Variants in GNG7 observed in about 807,000 individuals in gnomAD.
GNG7 encodes G protein subunit gamma 7.
GNG7 carries 1 observed loss-of-function variant against 4.0 expected under a neutral mutation model. That is an observed-to-expected ratio of 0.25 (90% CI 0.09 to 1.18). The LOEUF is 1.18. Ranked by LOEUF, GNG7 falls within the 50% of genes most tolerant of loss-of-function variation. The pLI is 0.50. For missense variants in GNG7, 86 were observed against 91.9 expected (o/e 0.94, Z 0.26); for synonymous variants, 34 against 36.9 (o/e 0.92, Z 0.29).
chr19:2,676,064 G>A (rs28592949), intron 1 of GNG7, among the ~76,000 whole-genome samples: 10,011 of 152,292 alleles, frequency 0.066, 424 homozygotes, highest in Middle Eastern at 0.18. Context: ...GGCCGTGTGA[G>A]GATGGAGGCA....
In GNG7 at chr19:2,699,429, G is replaced by T. The variant is rs374744280; in HGVS notation, c.-135+3217C>A. Among the ~76,000 whole-genome samples, 23 of 152,212 alleles carry T rather than the reference G, an allele frequency of 1.5e-4. No individual in the cohort carries two copies. In the East Asian group the frequency reaches 1.5e-3, roughly 10 times the overall value. On this transcript the variant is annotated intron_variant, in intron 1 of 4. Coordinates refer to ENST00000382159, the MANE Select transcript of GNG7 (RefSeq NM_052847.3). ...CTCCCAAAGTGCTGAGATTACAGGC[G>T]TGAGCCACCGCACCCAGCCATAAGT...
Position 2,664,645 on chromosome 19 carries a change from T to C in GNG7, c.-134-18365A>G, listed in dbSNP as rs139877148. ...TAGAGACCCTCCTCACCCAGTCCTC[T>C]AGGTCACTCTGGGAGGATGGCCCCG... is the stretch of plus-strand genomic sequence containing the variant. On this transcript the variant is annotated intron_variant, in intron 1 of 4. Coordinates refer to ENST00000382159, the MANE Select transcript of GNG7 (RefSeq NM_052847.3). 4.4e-3 allele frequency among the ~76,000 whole-genome samples: 677 copies of C among 152,304 alleles called. 2 individuals carry two copies. The highest frequency in any genetic ancestry group is 0.024 in the Middle Eastern group (7 of 294).
intron 3 of GNG7, among the ~76,000 whole-genome samples, chr19:2,528,601 C>G (rs898937550): frequency 1.3e-5 from 2 of 152,028 alleles, no homozygotes; most frequent in Non-Finnish European, 2.9e-5. Context: ...CCCCACAGGG[C>G]GGGAGTCTTC....
At position 2,514,867 on chromosome 19, in the gene GNG7, GGA is replaced by G. The variant is rs1972708529; in HGVS notation, c.*153_*154del. ...GCGGTGGGAACGCCTTTTTTGGCGG[GGA>G]GAGGGGGGATTTCTTTTGGAATTAA... On this transcript the variant is annotated 3_prime_UTR_variant, in exon 5 of 5. Transcript: ENST00000382159. 4 of 635,520 alleles carry G rather than the reference GGA, an allele frequency of 6.3e-6. No individual in the cohort carries two copies. The highest frequency in any genetic ancestry group is 3.7e-5 in the African/African-American group (2 of 54,298). The allele number at this position is 635,520 out of a possible 1,614,324, so 39.4% of individuals were successfully genotyped here. A position where few individuals can be genotyped will look rare whatever the true frequency, so the allele number is the denominator to read the frequency against.
intron 3 of GNG7, among the ~76,000 whole-genome samples, chr19:2,550,225 T>A (rs1403493191): frequency 6.6e-6 from 1 of 152,158 alleles, no homozygotes; most frequent in Admixed American, 6.5e-5. Context: ...CCCTCCTTGC[T>A]GGCTTATTTT....
intron 2 of GNG7, among the ~76,000 whole-genome samples, chr19:2,603,669 C>T (rs1981283753): frequency 6.6e-6 from 1 of 152,182 alleles, no homozygotes; most frequent in South Asian, 2.1e-4. Flanking sequence ...ATGCAGGCAT[C>T]AGAAGCCCCT....
chr19:2,592,780 AGAGG>A (rs1212560401), intron 2 of GNG7, among the ~76,000 whole-genome samples: 1 of 102,458 alleles, frequency 9.8e-6, no homozygotes, highest in Non-Finnish European at 1.9e-5. Context: ...GGAAGGAAGG[AGAGG>A]GAGGGAGGGA....
intron 1 of GNG7, among the ~76,000 whole-genome samples, chr19:2,684,527 C>A (rs1568284472): frequency 6.6e-6 from 1 of 152,094 alleles, no homozygotes; most frequent in Non-Finnish European, 1.5e-5. Context: ...TCCATACACA[C>A]CCCGGAGTAT....
At chr19:2,559,505 C>A (rs1296688402) in intron 2 of GNG7, among the ~76,000 whole-genome samples, 1 of 151,772 alleles carries the variant, frequency 6.6e-6, no homozygotes, top group East Asian at 1.9e-4. Flanking sequence ...GCACCCACCA[C>A]CATGTCCGGC....
rs966650545 is a variant in GNG7, at chr19:2,642,460, G to T, written c.-78+3764C>A. 1.8e-5 allele frequency: 6 copies of T among 330,094 alleles called. No individual in the cohort carries two copies. The Admixed American group carries it at 2.6e-4, about 14-fold the overall frequency. The allele number at this position is 330,094 out of a possible 1,614,324, so 20.4% of individuals were successfully genotyped here. A position where few individuals can be genotyped will look rare whatever the true frequency, so the allele number is the denominator to read the frequency against. Reference sequence around the variant, plus strand: ...AGCCCACTGCAGCCTCGACCTCCGGGGCTCAAGCGATCCTCCCACCTCAGC... The same window carrying T: ...AGCCCACTGCAGCCTCGACCTCCGGTGCTCAAGCGATCCTCCCACCTCAGC... On this transcript the variant is annotated intron_variant, in intron 2 of 4. Transcript: ENST00000382159.
chr19:2,566,681 TTCTC>T (rs924849111), intron 2 of GNG7, among the ~76,000 whole-genome samples: 1 of 152,180 alleles, frequency 6.6e-6, no homozygotes, highest in African/African-American at 2.4e-5. Flanking sequence ...GAGAGCAAAC[TTCTC>T]TGGCTTTGTG....
intron 2 of GNG7, among the ~76,000 whole-genome samples, chr19:2,577,879 A>T (rs1410204003): frequency 2.1e-5 from 3 of 145,428 alleles, no homozygotes; most frequent in South Asian, 2.2e-4. Flanking sequence ...TCTTGCTGTC[A>T]CCCAGGCTGG....
chr19:2,523,422 G>A (rs558173653), intron 3 of GNG7, among the ~76,000 whole-genome samples: 5 of 152,014 alleles, frequency 3.3e-5, no homozygotes, highest in South Asian at 2.1e-4. Flanking sequence ...CATGGGTAGC[G>A]CACTCCTGTG....
intron 3 of GNG7, among the ~76,000 whole-genome samples, chr19:2,527,112 G>T (rs1193526483): frequency 1.3e-5 from 2 of 152,168 alleles, no homozygotes; most frequent in Non-Finnish European, 2.9e-5. Context: ...CCAAAGTGCT[G>T]GGATTACAGG....
rs539670101 is a variant in GNG7, at chr19:2,674,155, C to T, written c.-134-27875G>A. ...GGCACCTTGCCTATAATCCCAGCTACTCCAGAGGCTGAGGCAAAAGAATTG... is the reference window on the plus strand; with the variant it reads ...GGCACCTTGCCTATAATCCCAGCTATTCCAGAGGCTGAGGCAAAAGAATTG... On this transcript the variant is annotated intron_variant, in intron 1 of 4. Coordinates refer to ENST00000382159, the MANE Select transcript of GNG7 (RefSeq NM_052847.3). Among the ~76,000 whole-genome samples, 9 of 152,242 alleles carry T rather than the reference C, an allele frequency of 5.9e-5. No individual in the cohort carries two copies. The South Asian group carries it at 6.2e-4, about 11-fold the overall frequency.
In GNG7 at chr19:2,515,224, C is replaced by G. The variant is rs557426532; in HGVS notation, c.82-77G>C. 5.1e-6 allele frequency: 8 copies of G among 1,584,030 alleles called. No individual in the cohort carries two copies. The Admixed American group carries it at 7.0e-5, about 14-fold the overall frequency. On this transcript the variant is annotated intron_variant, in intron 4 of 4. Transcript: ENST00000382159. ...CACCCGGGTTCACAGCAGCACCATT[C>G]CCAAGAGCCACAGGCGGAAACAGCT...
intron 2 of GNG7, among the ~76,000 whole-genome samples, chr19:2,613,151 T>A (rs550184087): frequency 4.9e-5 from 7 of 142,936 alleles, no homozygotes; most frequent in Non-Finnish European, 7.4e-5. Flanking sequence ...GAATTTCTGA[T>A]GCAAGTTTAA....
intron 2 of GNG7, among the ~76,000 whole-genome samples, chr19:2,563,561 C>T (rs1979811737): frequency 6.6e-6 from 1 of 151,930 alleles, no homozygotes; most frequent in Non-Finnish European, 1.5e-5. Context: ...CTCACTGCAA[C>T]CTCTGACTCC....
chr19:2,550,368 G>A (rs1979278571), intron 3 of GNG7, among the ~76,000 whole-genome samples: 1 of 152,208 alleles, frequency 6.6e-6, no homozygotes, highest in Non-Finnish European at 1.5e-5. Context: ...GGGATTACAG[G>A]CATCCAACAC....
Sources: gnomAD v4.1 joint callset for allele counts (sites outside exome capture counted in the v4.1 genomes callset) on GRCh38, gnomAD v4.1.1 for gene constraint, MANE v1.5 for transcripts, NCBI Gene and HGNC (gene_info 2026-07-23, HGNC 2026-07-21) for gene names.